The following GPM6A variants were observed in gnomAD, a reference collection of about 807,000 sequenced individuals.
GPM6A encodes the protein glycoprotein M6A.
GPM6A carries 7 observed loss-of-function variants against 32.1 expected under a neutral mutation model. That is an observed-to-expected ratio of 0.22 (90% CI 0.12 to 0.41). The LOEUF (loss-of-function observed/expected upper bound fraction) is 0.41, where lower values mean the gene tolerates loss of function less well. Ranked by LOEUF, GPM6A falls within the 10% of genes least tolerant of loss-of-function variation. The probability of loss-of-function intolerance (pLI) is 1.00; values close to 1 mark genes in which losing one functional copy is unlikely to be tolerated. For missense variants in GPM6A, 235 were observed against 347.2 expected, an observed-to-expected ratio of 0.68 and a Z score of 2.57; for synonymous variants, 130 against 123.4, an observed-to-expected ratio of 1.05 and a Z score of -0.35.
At chr4:175,994,493 A>G (rs1008241769) in intron 1 of GPM6A, among the ~76,000 whole-genome samples, 2 of 152,214 alleles carry the variant, frequency 1.3e-5, no homozygotes, top group Admixed American at 6.5e-5. Flanking sequence ...ACACTATGCT[A>G]AATTCTATAA....
At chr4:175,859,879 A>G (rs1560968231) in intron 1 of GPM6A, among the ~76,000 whole-genome samples, 2 of 152,200 alleles carry the variant, frequency 1.3e-5, no homozygotes, top group Non-Finnish European at 1.5e-5. Context: ...TAATGTAAAA[A>G]GTAGGCAACA....
At chr4:175,920,484 T>C (rs1738630542) in intron 1 of GPM6A, among the ~76,000 whole-genome samples, 2 of 152,224 alleles carry the variant, frequency 1.3e-5, no homozygotes, top group African/African-American at 2.4e-5. Context: ...GATGATGATA[T>C]AATTTGGTTA....
chr4:175,778,468 T>C (rs1309871398), intron 1 of GPM6A, among the ~76,000 whole-genome samples: 1 of 151,122 alleles, frequency 6.6e-6, no homozygotes, highest in Non-Finnish European at 1.5e-5. Context: ...CTACTAAAAA[T>C]ACAAAAATTA....
intron 1 of GPM6A, among the ~76,000 whole-genome samples, chr4:175,810,231 C>T (rs1734862605): frequency 6.6e-6 from 1 of 152,098 alleles, no homozygotes; most frequent in Non-Finnish European, 1.5e-5. Flanking sequence ...ATGTAACTTT[C>T]TAACAACAAA....
chr4:175,981,218 C>A (rs1185700680), intron 1 of GPM6A, among the ~76,000 whole-genome samples: 3 of 151,980 alleles, frequency 2.0e-5, no homozygotes. Flanking sequence ...TCAAAATCAA[C>A]CAAGGGCAAA....
intron 1 of GPM6A, among the ~76,000 whole-genome samples, chr4:175,959,006 TA>T (rs1257001756): frequency 1.3e-5 from 2 of 152,106 alleles, no homozygotes; most frequent in Admixed American, 6.5e-5. Flanking sequence ...CAGGTTTTTT[TA>T]AAAAACAGTT....
chr4:175,660,143 T>C (rs1742320975), intron 3 of GPM6A, among the ~76,000 whole-genome samples: 1 of 152,100 alleles, frequency 6.6e-6, no homozygotes, highest in Non-Finnish European at 1.5e-5. Context: ...TTCACACCTG[T>C]AATCCCAGCA....
chr4:175,932,769 G>A (rs1396141881), intron 1 of GPM6A, among the ~76,000 whole-genome samples: 1 of 151,996 alleles, frequency 6.6e-6, no homozygotes, highest in African/African-American at 2.4e-5. Context: ...AAGGTAGACT[G>A]TAATAAAATG....
chr4:175,689,446 G>GTTT (rs34200402), intron 2 of GPM6A, among the ~76,000 whole-genome samples: 1 of 147,500 alleles, frequency 6.8e-6, no homozygotes, highest in East Asian at 2.0e-4. Flanking sequence ...TATTTATAGC[G>GTTT]TTTTTTTTTT....
At chr4:175,717,157 C>T (rs2644000) in intron 1 of GPM6A, among the ~76,000 whole-genome samples, 9,004 of 152,182 alleles carry the variant, frequency 0.059, 426 homozygotes, top group East Asian at 0.28. Flanking sequence ...ACACCAGCTA[C>T]ATTGGCCACC....
At chr4:175,702,174 T>C (rs1295574212) in intron 1 of GPM6A, among the ~76,000 whole-genome samples, 2 of 152,232 alleles carry the variant, frequency 1.3e-5, no homozygotes, top group African/African-American at 4.8e-5. Flanking sequence ...ATTTTTCTTT[T>C]TTTGTAACAG....
chr4:175,825,721 T>C (rs1373986583), intron 1 of GPM6A, among the ~76,000 whole-genome samples: 1 of 152,134 alleles, frequency 6.6e-6, no homozygotes, highest in African/African-American at 2.4e-5. Flanking sequence ...TTATTGTTCG[T>C]TAGAAAGGAA....
At chr4:175,686,691 T>C (rs1579384490) in intron 2 of GPM6A, among the ~76,000 whole-genome samples, 1 of 152,344 alleles carries the variant, frequency 6.6e-6, no homozygotes, top group East Asian at 1.9e-4. Flanking sequence ...TCTCCAACTA[T>C]GAGAGAATAC....
intron 1 of GPM6A, among the ~76,000 whole-genome samples, chr4:175,809,252 AC>A (rs1301676809): frequency 6.6e-6 from 1 of 152,046 alleles, no homozygotes; most frequent in Admixed American, 6.6e-5. Flanking sequence ...ACTTTGCTCA[AC>A]CCCTCTGTAG....
chr4:175,943,632 G>A (rs1372462133), intron 1 of GPM6A, among the ~76,000 whole-genome samples: 2 of 152,162 alleles, frequency 1.3e-5, no homozygotes. Context: ...CATCCATTGA[G>A]ATAATCATGT....
intron 1 of GPM6A, among the ~76,000 whole-genome samples, chr4:175,730,918 A>C (rs2111141062): frequency 6.6e-6 from 1 of 152,160 alleles, no homozygotes; most frequent in East Asian, 1.9e-4. Flanking sequence ...AAGATCCATC[A>C]GTTTTCTGGT....
Position 175,636,278 on chromosome 4 carries a change from A to G in GPM6A, c.685-1221T>C, listed in dbSNP as rs1030527667. On this transcript the variant is annotated intron_variant, in intron 6 of 6. Coordinates refer to ENST00000393658, the MANE Select transcript of GPM6A (RefSeq NM_201591.3). ...AATCACTGTATATATATATATATAT[A>G]TATATATATATATATATATACATAT... 2.9e-3 allele frequency among the ~76,000 whole-genome samples: 370 copies of G among 125,780 alleles called. 12 individuals are homozygous for G. In the South Asian group the frequency reaches 0.047, roughly 16 times the overall value. 82.5% of individuals were successfully genotyped at this position (125,780 alleles called of 152,430 possible).
chr4:175,988,016 A>G (rs2126455114), intron 1 of GPM6A, among the ~76,000 whole-genome samples: 1 of 152,292 alleles, frequency 6.6e-6, no homozygotes, highest in African/African-American at 2.4e-5. Context: ...TGTATTTATA[A>G]ATTATATAGT....
chr4:175,749,114 A>G (rs1374139065), intron 1 of GPM6A, among the ~76,000 whole-genome samples: 1 of 152,154 alleles, frequency 6.6e-6, no homozygotes, highest in Admixed American at 6.5e-5. Context: ...TACAACTTTT[A>G]TTAACTATGC....
Sources: allele counts gnomAD v4.1 joint callset (sites outside exome capture counted in the v4.1 genomes callset), GRCh38; gene constraint gnomAD v4.1.1; transcripts MANE v1.5; gene names NCBI Gene and HGNC (gene_info 2026-07-23, HGNC 2026-07-21).